The following IL1RAPL2 variants were observed in gnomAD, a reference collection of about 807,000 sequenced individuals.
The protein encoded by IL1RAPL2 is interleukin 1 receptor accessory protein like 2, also known as X-linked interleukin-1 receptor accessory protein-like 2.
Under a neutral mutation model 44.1 loss-of-function variants are expected in IL1RAPL2, and 3 were observed. The ratio of observed to expected loss-of-function variants is 0.07; its 90% confidence interval spans 0.03 to 0.18. The LOEUF is 0.18. Ranked by LOEUF, IL1RAPL2 falls within the 10% of genes least tolerant of loss-of-function variation. The pLI is 1.00. For synonymous variants in IL1RAPL2, 181 were observed against 178.8 expected (o/e 1.01, Z -0.10); for missense variants, 391 against 496.4 (o/e 0.79, Z 2.02).
intron 5 of IL1RAPL2, among the ~76,000 whole-genome samples, chrX:105,358,267 A>T (rs997640165): frequency 4.6e-5 from 5 of 108,380 alleles, no homozygotes; most frequent in Non-Finnish European, 9.5e-5. Context: ...TTTTTCCTAC[A>T]CGTTTTTCCT....
At chrX:104,933,996 AAG>A (rs1924968656) in intron 2 of IL1RAPL2, among the ~76,000 whole-genome samples, 2 of 112,114 alleles carry the variant, frequency 1.8e-5, no homozygotes, top group Non-Finnish European at 3.8e-5. Context: ...GATTTCAAGA[AAG>A]AACACATTTA....
intron 6 of IL1RAPL2, among the ~76,000 whole-genome samples, chrX:105,549,185 A>G (rs1255637628): frequency 2.7e-5 from 3 of 112,161 alleles, no homozygotes; most frequent in Non-Finnish European, 3.8e-5. Flanking sequence ...TGTGTTTATC[A>G]CTAATTGAAT....
chrX:105,341,062 T>C (rs749825546), intron 5 of IL1RAPL2, among the ~76,000 whole-genome samples: 7 of 111,039 alleles, frequency 6.3e-5, no homozygotes, highest in African/African-American at 2.3e-4. Flanking sequence ...AAACCAGGCA[T>C]GGGGCACATC....
At chrX:105,529,033 ATTTAAG>A (rs1423854022) in intron 6 of IL1RAPL2, among the ~76,000 whole-genome samples, 2 of 111,615 alleles carry the variant, frequency 1.8e-5, no homozygotes, top group South Asian at 3.7e-4. Context: ...ATTCAAGGTA[ATTTAAG>A]TTTATTTTAA....
At chrX:105,378,432 A>G (rs1319967703) in intron 5 of IL1RAPL2, among the ~76,000 whole-genome samples, 1 of 111,753 alleles carries the variant, frequency 8.9e-6, no homozygotes, top group East Asian at 2.8e-4. Context: ...TTAGAATCCA[A>G]TATTTTGGTG....
intron 1 of IL1RAPL2, among the ~76,000 whole-genome samples, chrX:104,586,021 C>T (rs1242491217): frequency 8.9e-6 from 1 of 111,821 alleles, no homozygotes; most frequent in African/African-American, 3.3e-5. Flanking sequence ...AATTGCCACA[C>T]TGTTTTCCAC....
intron 6 of IL1RAPL2, among the ~76,000 whole-genome samples, chrX:105,531,076 T>C (rs903727977): frequency 1.8e-5 from 2 of 111,959 alleles, no homozygotes; most frequent in Non-Finnish European, 3.8e-5. Flanking sequence ...ACTGGTTTCC[T>C]TTCTTTTGAG....
At chrX:105,354,629 T>C (rs896977630) in intron 5 of IL1RAPL2, among the ~76,000 whole-genome samples, 1 of 109,167 alleles carries the variant, frequency 9.2e-6, no homozygotes, top group African/African-American at 3.5e-5. Flanking sequence ...TGTGCACATG[T>C]ACCCTAAAAC....
At chrX:104,585,896 A>G (rs1928551275) in intron 1 of IL1RAPL2, among the ~76,000 whole-genome samples, 1 of 111,303 alleles carries the variant, frequency 9.0e-6, no homozygotes, top group Non-Finnish European at 1.9e-5. Flanking sequence ...ATAGTGGTGC[A>G]ATGAACATGC....
At chrX:105,589,085 GGAGT>G (rs916761873) in intron 6 of IL1RAPL2, among the ~76,000 whole-genome samples, 1 of 111,812 alleles carries the variant, frequency 8.9e-6, no homozygotes, top group African/African-American at 3.2e-5. Flanking sequence ...CATTCCAAGT[GGAGT>G]GAGATGATAT....
intron 2 of IL1RAPL2, among the ~76,000 whole-genome samples, chrX:105,092,722 C>G (rs1481746889): frequency 1.8e-5 from 2 of 111,171 alleles, no homozygotes; most frequent in Non-Finnish European, 3.8e-5. Flanking sequence ...GGCCAGACCT[C>G]TTTTGGAGCA....
chrX:105,415,853 G>A (rs2147743153), intron 5 of IL1RAPL2, among the ~76,000 whole-genome samples: 1 of 111,612 alleles, frequency 9.0e-6, no homozygotes, highest in African/African-American at 3.2e-5. Flanking sequence ...TTTTGTTTTT[G>A]TGTTTTCCTT....
chrX:105,348,853 G>T (rs1329074268), intron 5 of IL1RAPL2, among the ~76,000 whole-genome samples: 1 of 111,895 alleles, frequency 8.9e-6, no homozygotes, highest in Non-Finnish European at 1.9e-5. Flanking sequence ...GTGTCTTATT[G>T]TTTGAATGTG....
intron 1 of IL1RAPL2, among the ~76,000 whole-genome samples, chrX:104,599,343 G>C (rs918908774): frequency 9.0e-6 from 1 of 111,135 alleles, no homozygotes; most frequent in Non-Finnish European, 1.9e-5. Flanking sequence ...CACTTCCTGG[G>C]CTCAAGTGAT....
chrX:105,188,876 TAA>T (rs1201477640), intron 2 of IL1RAPL2, among the ~76,000 whole-genome samples: 1 of 111,643 alleles, frequency 9.0e-6, no homozygotes, highest in Non-Finnish European at 1.9e-5. Flanking sequence ...AACTTTATTT[TAA>T]AAAAAATGAC....
chrX:104,725,899 T>C (rs969270636), intron 2 of IL1RAPL2, among the ~76,000 whole-genome samples: 1 of 112,020 alleles, frequency 8.9e-6, no homozygotes, highest in Non-Finnish European at 1.9e-5. Context: ...TTAGATTCCA[T>C]TTGTCAATTT....
At chrX:105,110,933 C>T (rs1244809337) in intron 2 of IL1RAPL2, among the ~76,000 whole-genome samples, 5 of 110,451 alleles carry the variant, frequency 4.5e-5, no homozygotes, top group Non-Finnish European at 9.5e-5. Context: ...CGAGACTCCA[C>T]CTCAAAAAAA....
At chrX:104,941,105 A>T (rs753568234) in intron 2 of IL1RAPL2, among the ~76,000 whole-genome samples, 2 of 110,708 alleles carry the variant, frequency 1.8e-5, no homozygotes, top group South Asian at 3.9e-4. Context: ...TCTATCATTG[A>T]TGGACATTTG....
chrX:105,666,343 A>G (rs1236480563), intron 6 of IL1RAPL2, among the ~76,000 whole-genome samples: 8 of 110,569 alleles, frequency 7.2e-5, no homozygotes, highest in African/African-American at 2.6e-4. Context: ...CCAACAATGC[A>G]CTGAATATAC....
Sources: gnomAD v4.1 joint callset for allele counts (sites outside exome capture counted in the v4.1 genomes callset) on GRCh38, gnomAD v4.1.1 for gene constraint, MANE v1.5 for transcripts, NCBI Gene and HGNC (gene_info 2026-07-23, HGNC 2026-07-21) for gene names.